The following SLC16A9 variants were observed in gnomAD, a reference collection of about 807,000 sequenced individuals.
The protein encoded by SLC16A9 is solute carrier family 16 member 9.
Under a neutral mutation model 44.3 loss-of-function variants are expected in SLC16A9, and 26 were observed. The ratio of observed to expected loss-of-function variants is 0.59; its 90% CI spans 0.43 to 0.81. The LOEUF (loss-of-function observed/expected upper bound fraction) is 0.81, where lower values mean the gene tolerates loss of function less well. Among genes scored for constraint, SLC16A9 ranks in the 40% least tolerant of loss-of-function variants. The pLI is 0.00. For synonymous variants in SLC16A9, 230 were observed against 225.1 expected, an observed-to-expected ratio of 1.02 and a Z score of -0.19; for missense variants, 559 against 595.8, an observed-to-expected ratio of 0.94 and a Z score of 0.64.
intron 1 of SLC16A9, among the ~76,000 whole-genome samples, chr10:59,700,364 C>A (rs2132543171): frequency 6.6e-6 from 1 of 152,302 alleles, no homozygotes; most frequent in South Asian, 2.1e-4. Context: ...TCTTTGCATT[C>A]TTCATACCCC....
intron 2 of SLC16A9, among the ~76,000 whole-genome samples, chr10:59,673,840 G>T (rs929020371): frequency 6.6e-6 from 1 of 152,130 alleles, no homozygotes; most frequent in Non-Finnish European, 1.5e-5. Flanking sequence ...CAGTGAAAAT[G>T]ATCTACAACT....
At chr10:59,702,026 G>C (rs1840534762) in intron 1 of SLC16A9, among the ~76,000 whole-genome samples, 1 of 152,188 alleles carries the variant, frequency 6.6e-6, no homozygotes, top group Non-Finnish European at 1.5e-5. Context: ...CTAGCACTAA[G>C]AATTATGATT....
At chr10:59,687,675 T>C (rs192824577) in intron 1 of SLC16A9, among the ~76,000 whole-genome samples, 82 of 152,238 alleles carry the variant, frequency 5.4e-4, no homozygotes, top group Non-Finnish European at 4.1e-4. Flanking sequence ...TTACTTTATT[T>C]AAAGCTTTGG....
intron 1 of SLC16A9, among the ~76,000 whole-genome samples, chr10:59,701,356 C>T (rs1051404730): frequency 6.6e-5 from 10 of 152,188 alleles, no homozygotes; most frequent in African/African-American, 2.4e-4. Flanking sequence ...GAGCTGCTCC[C>T]AGATCCATCT....
At position 59,654,457 on chromosome 10, in the gene SLC16A9, G is replaced by A; in HGVS notation, c.569C>T (p.Pro190Leu). 2 of 1,613,202 alleles carry A rather than the reference G, an allele frequency of 1.2e-6. No individual in the cohort carries two copies. The highest frequency in any genetic ancestry group is 1.7e-6 in the Non-Finnish European group (2 of 1,180,032). ...NILACGSLMRPLQSSDCPLPK... is the reference protein window; with the variant it reads ...NILACGSLMRLLQSSDCPLPK... Reference sequence around the variant, plus strand: ...CAAAGGACAATCAGAAGATTGGAGGGGTCTCATCAGACTGCCACAGGCTAA... The same window carrying A: ...CAAAGGACAATCAGAAGATTGGAGGAGTCTCATCAGACTGCCACAGGCTAA... Residue 190 changes from proline to leucine, a missense_variant, in exon 5 of 6, where the codon CCC (proline) becomes CTC (leucine). By Grantham distance (98) the Pro-to-Leu change is moderately conservative. Transcript: ENST00000395348.
chr10:59,705,857 C>T (rs1180236875), intron 1 of SLC16A9, among the ~76,000 whole-genome samples: 1 of 151,898 alleles, frequency 6.6e-6, no homozygotes, highest in Non-Finnish European at 1.5e-5. Flanking sequence ...GTAAATATAC[C>T]AATAATGTTC....
At chr10:59,699,249 A>G (rs546258640) in intron 1 of SLC16A9, among the ~76,000 whole-genome samples, 13 of 152,336 alleles carry the variant, frequency 8.5e-5, no homozygotes, top group Middle Eastern at 3.4e-3. Flanking sequence ...CAAATTAACC[A>G]AACAACCTCT....
intron 2 of SLC16A9, among the ~76,000 whole-genome samples, chr10:59,678,893 T>C (rs1839925657): frequency 1.3e-5 from 2 of 152,050 alleles, no homozygotes; most frequent in Non-Finnish European, 1.5e-5. Context: ...TGCAACAGAA[T>C]CCTTGAGAGA....
chr10:59,658,968 T>C (rs1485528582), intron 4 of SLC16A9, among the ~76,000 whole-genome samples: 2 of 152,166 alleles, frequency 1.3e-5, no homozygotes, highest in Non-Finnish European at 2.9e-5. Flanking sequence ...CTTCCAGGGT[T>C]ACCCACCTAC....
chr10:59,653,717 A>T lies in SLC16A9; in HGVS notation c.1309T>A (p.Phe437Ile). 1.9e-6 allele frequency: 3 copies of T among 1,614,066 alleles called. No homozygotes were observed. Among genetic ancestry groups the T allele is most frequent in the Non-Finnish European group, 2.5e-6 (3 of 1,180,000 alleles). The change falls in exon 5 of 6, where the codon TTC (phenylalanine) becomes ATC (isoleucine). Residue 437 changes from phenylalanine to isoleucine, a missense_variant. Phe to Ile is a conservative substitution (Grantham distance 21). Transcript: ENST00000395348. ...AGGCTATTTCCAAGTCCAGCAAAGA[A>T]CATTAATATCCCATAGGCATGGGCT... ...KLAHAYGILM[F>I]FAGLGNSLGP...
At chr10:59,661,065 C>G (rs942348838) in intron 4 of SLC16A9, among the ~76,000 whole-genome samples, 5 of 152,200 alleles carry the variant, frequency 3.3e-5, no homozygotes, top group African/African-American at 1.2e-4. Context: ...TGGGCAAAAG[C>G]TGGAAGCATT....
chr10:59,679,177 G>A (rs371088997), intron 2 of SLC16A9, among the ~76,000 whole-genome samples: 1 of 29,366 alleles, frequency 3.4e-5, no homozygotes, highest in East Asian at 4.5e-3. Flanking sequence ...TTCAGCACTT[G>A]GGTAGTGTGA....
At chr10:59,683,833 A>G (rs1475330078) in intron 2 of SLC16A9, among the ~76,000 whole-genome samples, 2 of 152,210 alleles carry the variant, frequency 1.3e-5, no homozygotes, top group Non-Finnish European at 2.9e-5. Context: ...TTTCATTTCC[A>G]GCATCTAGTT....
At chr10:59,697,975 A>AAC (rs1491317042) in intron 1 of SLC16A9, among the ~76,000 whole-genome samples, 2 of 132,168 alleles carry the variant, frequency 1.5e-5, no homozygotes, top group Non-Finnish European at 3.5e-5. Context: ...AAAAAAAAAC[A>AAC]AAAAACAAAA....
rs751112027 is a variant in SLC16A9, at chr10:59,678,546, C to CTTTT, written c.196+5546_196+5549dup. On this transcript the variant is annotated intron_variant, in intron 2 of 5. Transcript: ENST00000395348. ...ATCTTTTTTTTTTCTTTTTCTTTTT[C>CTTTT]TTTTTTTTGAGACGGAGTCTCGCTC... Among the ~76,000 whole-genome samples, 114 of 30,620 alleles carry CTTTT rather than the reference C, an allele frequency of 3.7e-3. 44 individuals carry two copies. In the South Asian group the frequency reaches 0.22, roughly 60 times the overall value. The allele number at this position is 30,620 out of a possible 152,430, so 20.1% of individuals were successfully genotyped here. A position where few individuals can be genotyped will look rare whatever the true frequency, so the allele number is the denominator to read the frequency against.
intron 1 of SLC16A9, among the ~76,000 whole-genome samples, chr10:59,702,607 T>C (rs1014505696): frequency 2.0e-5 from 3 of 152,216 alleles, no homozygotes; most frequent in African/African-American, 7.2e-5. Flanking sequence ...GAACTTTAAG[T>C]CAGGCCCACT....
At position 59,653,666 on chromosome 10, in the gene SLC16A9, A is replaced by T; in HGVS notation, c.1351+9T>A. On this transcript the variant is annotated intron_variant, in intron 5 of 5. Transcript: ENST00000395348. Reference sequence around the variant, plus strand: ...GTAAAATGGGATGATTTTAAGATAAATATCTTACCAACGATGGGTGGTCCT... The same window carrying T: ...GTAAAATGGGATGATTTTAAGATAATTATCTTACCAACGATGGGTGGTCCT... The T allele has an allele frequency of 6.2e-7, 1 of 1,600,596 alleles. No individual in the cohort carries two copies.
chr10:59,664,070 G>T (rs182385570), intron 4 of SLC16A9, among the ~76,000 whole-genome samples, 157 bp downstream of exon 4: 57 of 150,146 alleles, frequency 3.8e-4, no homozygotes, highest in Non-Finnish European at 6.4e-4. Context: ...CCATATTTAT[G>T]GTGTAAAATA....
At chr10:59,662,073 G>A (rs1588964849) in intron 4 of SLC16A9, among the ~76,000 whole-genome samples, 2 of 151,988 alleles carry the variant, frequency 1.3e-5, no homozygotes, top group Non-Finnish European at 1.5e-5. Context: ...ACATAGGCAC[G>A]GGCAAAGACT....
Sources: gnomAD v4.1 joint callset for allele counts (sites outside exome capture counted in the v4.1 genomes callset) on GRCh38, gnomAD v4.1.1 for gene constraint, MANE v1.5 for transcripts, NCBI Gene and HGNC (gene_info 2026-07-23, HGNC 2026-07-21) for gene names.